PARVA: variants seen among roughly 807,000 people sequenced by gnomAD.
The protein encoded by PARVA is alpha-parvin.
A neutral mutation model predicts 52.6 loss-of-function variants in PARVA; 25 were observed. That is an observed-to-expected ratio of 0.48 (90% confidence interval 0.35 to 0.66). PARVA has a LOEUF of 0.66. Ranked by LOEUF, PARVA falls within the 30% of genes least tolerant of loss-of-function variation. PARVA has a pLI of 0.01. For synonymous variants in PARVA, 185 were observed against 179.1 expected, an observed-to-expected ratio of 1.03 and a Z score of -0.26; for missense variants, 373 against 450.9, an observed-to-expected ratio of 0.83 and a Z score of 1.56.
chr11:12,451,452 T>C (rs766332153), intron 1 of PARVA, among the ~76,000 whole-genome samples: 7 of 152,204 alleles, frequency 4.6e-5, no homozygotes, highest in Admixed American at 2.6e-4. Context: ...AGATGCTTTT[T>C]TTTTTTTCTG....
At chr11:12,523,203 G>A (rs1335474488) in intron 12 of PARVA, among the ~76,000 whole-genome samples, 1 of 152,228 alleles carries the variant, frequency 6.6e-6, no homozygotes, top group Non-Finnish European at 1.5e-5. Flanking sequence ...AGGAGCATCT[G>A]TACAGCATGG....
At position 12,426,092 on chromosome 11, in the gene PARVA, G is replaced by A. The variant is rs952610314; in HGVS notation, c.137-47653G>A. Among the ~76,000 whole-genome samples the A allele has an allele frequency of 7.2e-5, 11 of 152,284 alleles. No homozygotes were observed. The East Asian group carries it at 1.3e-3, about 19-fold the overall frequency. ...CATGGTTCATGGTGTTCACAGTACC[G>A]GGGGAGACGTATTAAACAAGTCAAC... is the stretch of plus-strand genomic sequence containing the variant. On this transcript the variant is annotated intron_variant, in intron 1 of 12. Transcript: ENST00000334956.
chr11:12,445,758 A>G (rs10831822), intron 1 of PARVA, among the ~76,000 whole-genome samples: 1 of 151,684 alleles, frequency 6.6e-6, no homozygotes, highest in Non-Finnish European at 1.5e-5. Flanking sequence ...GGCTCCATAC[A>G]TATGGGGGCC....
intron 1 of PARVA, among the ~76,000 whole-genome samples, chr11:12,421,028 T>C (rs1940141424): frequency 6.6e-6 from 1 of 151,620 alleles, no homozygotes; most frequent in Admixed American, 6.6e-5. Context: ...TTTTTTTTTT[T>C]TGTACTTCTC....
chr11:12,413,565 GT>G (rs1421395223), intron 1 of PARVA, among the ~76,000 whole-genome samples: 2 of 150,834 alleles, frequency 1.3e-5, no homozygotes, highest in East Asian at 3.9e-4. Flanking sequence ...TAAAAGCAGT[GT>G]TATGATGGAA....
intron 1 of PARVA, among the ~76,000 whole-genome samples, chr11:12,418,119 G>A (rs186187902): frequency 5.9e-5 from 9 of 152,078 alleles, no homozygotes; most frequent in East Asian, 5.8e-4. Context: ...ATCAGGAACC[G>A]AATTCCTGCC....
chr11:12,381,178 T>C (rs1038907488), intron 1 of PARVA, among the ~76,000 whole-genome samples: 3 of 152,212 alleles, frequency 2.0e-5, no homozygotes, highest in African/African-American at 7.2e-5. Flanking sequence ...GAGTATGTGC[T>C]GGATCTCAAT....
upstream of PARVA, chr11:12,377,259 G>C (rs1261229743): frequency 2.3e-6 from 1 of 438,048 alleles, no homozygotes; most frequent in Non-Finnish European, 3.8e-6. Context: ...GCAGGGTTGG[G>C]TTGGTTCTCA....
intron 4 of PARVA, among the ~76,000 whole-genome samples, chr11:12,484,711 T>A (rs911119581): frequency 3.9e-5 from 6 of 151,942 alleles, no homozygotes; most frequent in Non-Finnish European, 7.4e-5. Context: ...TTGTGGAAAC[T>A]CACAGCCTGG....
chr11:12,517,569 G>A (rs1564869226), intron 10 of PARVA, 41 bp from the exon 11 acceptor site: 1 of 1,421,272 alleles, frequency 7.0e-7, no homozygotes, highest in East Asian at 2.5e-5. Flanking sequence ...GATTGGCTGG[G>A]AGGCTCAGGG....
rs569154953 is a variant in PARVA at position 12,401,020 on chromosome 11, T to A, written c.136+23237T>A. On this transcript the variant is annotated intron_variant, in intron 1 of 12. Transcript: ENST00000334956. ...TTTGTTGTTTAATAACATGAGGAGA[T>A]GTTTATCAATAAGACAGTGATTTCT... Among the ~76,000 whole-genome samples, 10 of 152,302 alleles carry A rather than the reference T, an allele frequency of 6.6e-5. No individual in the cohort carries two copies. In the South Asian group the frequency reaches 2.1e-3, roughly 32 times the overall value.
At chr11:12,491,896 A>G (rs1039656283) in intron 4 of PARVA, among the ~76,000 whole-genome samples, 2 of 152,216 alleles carry the variant, frequency 1.3e-5, no homozygotes, top group African/African-American at 2.4e-5. Flanking sequence ...TCAACTGCTC[A>G]TGGAACACTT....
intron 6 of PARVA, 36 bp downstream of exon 6, chr11:12,504,465 A>G (rs1941406499): frequency 7.3e-7 from 1 of 1,367,896 alleles, no homozygotes; most frequent in African/African-American, 1.4e-5. Context: ...CTGTGTCTTT[A>G]AAGAGTCGTG....
intron 10 of PARVA, among the ~76,000 whole-genome samples, chr11:12,515,457 G>T (rs745621407): frequency 6.6e-6 from 1 of 152,222 alleles, no homozygotes; most frequent in Non-Finnish European, 1.5e-5. Context: ...GCCCTGGAAT[G>T]ATCAGCTCCG....
intron 1 of PARVA, among the ~76,000 whole-genome samples, chr11:12,462,214 C>T (rs1940792774): frequency 1.3e-5 from 2 of 152,138 alleles, no homozygotes; most frequent in Admixed American, 6.5e-5. Flanking sequence ...CCATCCATGC[C>T]CTAATCCCTA....
intron 3 of PARVA, chr11:12,477,032 G>A (rs1941023768): frequency 6.6e-6 from 1 of 152,158 alleles, no homozygotes; most frequent in African/African-American, 2.4e-5. Context: ...GAACTGTTCT[G>A]TATCTCGATT....
intron 1 of PARVA, among the ~76,000 whole-genome samples, chr11:12,467,482 C>CATAATGT (rs1940868062): frequency 6.6e-6 from 1 of 152,156 alleles, no homozygotes. Flanking sequence ...AATTTCTCAA[C>CATAATGT]ATAATGTATG....
chr11:12,407,872 CTGATCCA>C (rs1257950762), intron 1 of PARVA, among the ~76,000 whole-genome samples: 1 of 152,226 alleles, frequency 6.6e-6, no homozygotes, highest in East Asian at 1.9e-4. Flanking sequence ...TCCCTGCCAT[CTGATCCA>C]TCCTGCCTTC....
rs564846624 is a variant in PARVA, at chr11:12,533,767, A to T, written c.*5842A>T. Among the ~76,000 whole-genome samples, 1 of 152,220 alleles carries T rather than the reference A, an allele frequency of 6.6e-6. No individual in the cohort carries two copies. The highest frequency in any genetic ancestry group is 2.1e-4 in the South Asian group (1 of 4,816). On this transcript the variant is annotated 3_prime_UTR_variant, in exon 13 of 13. Coordinates refer to ENST00000334956, the MANE Select transcript of PARVA (RefSeq NM_018222.5). ...ATTTACTATTAAGTGAAAGCAGGTCATCATAAAGTCCTCATCCTCATGGTC... is the reference window on the plus strand; with the variant it reads ...ATTTACTATTAAGTGAAAGCAGGTCTTCATAAAGTCCTCATCCTCATGGTC...
Sources: gnomAD v4.1 joint callset for allele counts (sites outside exome capture counted in the v4.1 genomes callset) on GRCh38, gnomAD v4.1.1 for gene constraint, MANE v1.5 for transcripts, NCBI Gene and HGNC (gene_info 2026-07-23, HGNC 2026-07-21) for gene names.